RNFT2: variants seen among roughly 807,000 people sequenced by gnomAD.
The protein encoded by RNFT2 is E3 ubiquitin-protein ligase RNFT2.
RNFT2 carries 36 observed loss-of-function variants against 53.0 expected under a neutral mutation model. The observed-to-expected ratio is 0.68, with a 90% CI of 0.52 to 0.90. RNFT2 has a LOEUF of 0.90. RNFT2 is among the 40% of genes least tolerant of loss of function. The pLI, the probability that RNFT2 is intolerant of heterozygous loss-of-function variation, is 0.00. For synonymous variants in RNFT2, 260 were observed against 253.2 expected (o/e 1.03, Z -0.26); for missense variants, 514 against 585.6 (o/e 0.88, Z 1.26).
chr12:116,844,724 G>T (rs73407205), intron 10 of RNFT2, among the ~76,000 whole-genome samples: 1,627 of 152,292 alleles, frequency 0.011, 24 homozygotes, highest in African/African-American at 0.037. Flanking sequence ...GAGCCTCAGT[G>T]AATGTGTTGA....
intron 4 of RNFT2, among the ~76,000 whole-genome samples, chr12:116,750,838 AT>A (rs1297078057): frequency 0.028 from 385 of 13,920 alleles, 23 homozygotes; most frequent in African/African-American, 0.12. Flanking sequence ...TAATATATAT[AT>A]TATATATATA....
intron 7 of RNFT2, among the ~76,000 whole-genome samples, chr12:116,829,477 C>T (rs917327135): frequency 2.0e-5 from 3 of 152,048 alleles, no homozygotes; most frequent in Non-Finnish European, 2.9e-5. Context: ...CTGGAGGTGG[C>T]GAACTAGTCA....
intron 7 of RNFT2, among the ~76,000 whole-genome samples, chr12:116,815,216 C>A (rs1378046440): frequency 3.3e-5 from 5 of 152,226 alleles, no homozygotes; most frequent in Admixed American, 6.5e-5. Context: ...TGGAAGCCAG[C>A]CCACCAGAGA....
At chr12:116,836,334 G>A (rs1876969483) in intron 10 of RNFT2, 52 bp downstream of exon 10, 2 of 1,442,232 alleles carry the variant, frequency 1.4e-6, no homozygotes, top group East Asian at 2.5e-5. Flanking sequence ...GGGAGAGTAG[G>A]ACCCTTCCCC....
At chr12:116,784,360 G>T (rs532563379) in intron 7 of RNFT2, among the ~76,000 whole-genome samples, 1 of 152,116 alleles carries the variant, frequency 6.6e-6, no homozygotes, top group Non-Finnish European at 1.5e-5. Context: ...GATTGGCCCC[G>T]GTCATTTTGT....
In RNFT2 at chr12:116,841,880, TAAATATATATAA is replaced by T. The variant is rs1877325089; in HGVS notation, c.1200+5610_1200+5621del. Reference sequence around the variant, plus strand: ...AAAAATATATATATAAATATATATATAAATATATATAAAAATATATATATATAAATATATATA... The same window carrying T: ...AAAAATATATATATAAATATATATATAAATATATATATATAAATATATATA... On this transcript the variant is annotated intron_variant, in intron 10 of 10. Coordinates refer to ENST00000257575, the MANE Select transcript of RNFT2 (RefSeq NM_001382266.1). 4.5e-3 allele frequency among the ~76,000 whole-genome samples: 112 copies of T among 24,760 alleles called. 2 individuals are homozygous for T. Among genetic ancestry groups the T allele is most frequent in the Admixed American group, 7.7e-3 (21 of 2,714 alleles). 16.2% of individuals were successfully genotyped at this position (24,760 alleles called of 152,430 possible).
chr12:116,806,043 A>T (rs528350210), intron 7 of RNFT2, among the ~76,000 whole-genome samples: 1 of 152,304 alleles, frequency 6.6e-6, no homozygotes, highest in South Asian at 2.1e-4. Flanking sequence ...TTTAAACAAG[A>T]GGGCAGCTTT....
rs200741708 is a variant in RNFT2, at chr12:116,750,145, G to A, written c.388G>A (p.Val130Met). 1.3e-4 allele frequency: 210 copies of A among 1,585,480 alleles called. No homozygotes were observed. In the East Asian group the frequency reaches 3.0e-3, roughly 22 times the overall value. ...GHRGGSLLQH[V>M]GGDHRGHSEE... ...CCGCGGGGGCTCCCTGCTGCAGCAC[G>A]TGGGTGGGGACCACCGGGGGCACTC... Residue 130 changes from valine to methionine, a missense_variant, in exon 4 of 11, where the codon GTG becomes ATG. By Grantham distance (21) the Val-to-Met change is conservative. Around this residue, in one of 3 missense-constraint regions of RNFT2, gnomAD observed 237 missense variants for 235.1 expected, o/e 1.01. Transcript: ENST00000257575.
chr12:116,749,957 T>A lies in RNFT2; in HGVS notation c.200T>A (p.Leu67His). The A allele has an allele frequency of 6.4e-7, 1 of 1,566,068 alleles. No homozygotes were observed. Among genetic ancestry groups the A allele is most frequent in the East Asian group, 2.4e-5 (1 of 42,000 alleles). ...PALFSGLSGS[L>H]PTSSFPSSLV... ...CTCTTCTCGGGCTTATCAGGCAGCC[T>A]CCCCACCAGCTCGTTCCCCTCCAGC... The change falls in exon 4 of 11, where the codon CTC becomes CAC. Residue 67 changes from leucine (L) to histidine (H), a missense_variant. Around this residue, in one of 3 missense-constraint regions of RNFT2, gnomAD observed 237 missense variants for 235.1 expected, o/e 1.01. Coordinates refer to ENST00000257575, the MANE Select transcript of RNFT2 (RefSeq NM_001382266.1).
At chr12:116,787,278 A>G (rs1208287694) in intron 7 of RNFT2, among the ~76,000 whole-genome samples, 4 of 152,266 alleles carry the variant, frequency 2.6e-5, no homozygotes, top group East Asian at 3.8e-4. Flanking sequence ...CAGATCGGCC[A>G]GGTGCTAGAG....
chr12:116,743,233 AAAAAAAAAAAACCG>A (rs1871715438), intron 3 of RNFT2, among the ~76,000 whole-genome samples: 2 of 123,034 alleles, frequency 1.6e-5, no homozygotes, highest in African/African-American at 6.0e-5. Flanking sequence ...AAAAAAAAAA[AAAAAAAAAAAACCG>A]GTTAAAAAAC....
intron 7 of RNFT2, among the ~76,000 whole-genome samples, chr12:116,788,396 C>A (rs1445964993): frequency 6.6e-6 from 1 of 152,194 alleles, no homozygotes; most frequent in African/African-American, 2.4e-5. Flanking sequence ...CCCACCTGCA[C>A]CTACTGATTC....
intron 7 of RNFT2, among the ~76,000 whole-genome samples, chr12:116,817,362 C>G (rs1214591559): frequency 6.6e-6 from 1 of 152,124 alleles, no homozygotes; most frequent in Non-Finnish European, 1.5e-5. Flanking sequence ...GTCTCCCAGG[C>G]TAGTCTCAAA....
intron 4 of RNFT2, among the ~76,000 whole-genome samples, chr12:116,751,375 A>C (rs1206141618): frequency 1.3e-5 from 2 of 152,016 alleles, no homozygotes; most frequent in African/African-American, 4.8e-5. Flanking sequence ...CATACTCAAC[A>C]GTCAATAATT....
intron 7 of RNFT2, among the ~76,000 whole-genome samples, chr12:116,805,753 C>T (rs1234429715): frequency 6.6e-6 from 1 of 152,180 alleles, no homozygotes; most frequent in Middle Eastern, 3.2e-3. Context: ...GGATTACAGG[C>T]GTGAGCCACG....
chr12:116,841,882 A>AAAATATATATATATAAAT (rs1565876166), intron 10 of RNFT2, among the ~76,000 whole-genome samples: 10 of 23,474 alleles, frequency 4.3e-4, no homozygotes, highest in Non-Finnish European at 6.1e-4. Context: ...TATATATATA[A>AAAATATATATATATAAAT]ATATATATAA....
intron 6 of RNFT2, among the ~76,000 whole-genome samples, chr12:116,777,911 GA>G (rs1481022119): frequency 6.6e-6 from 1 of 152,140 alleles, no homozygotes; most frequent in African/African-American, 2.4e-5. Flanking sequence ...TTGGGCAGCT[GA>G]CCACCTCTCC....
chr12:116,812,671 A>G (rs1874314749), intron 7 of RNFT2, among the ~76,000 whole-genome samples: 1 of 151,846 alleles, frequency 6.6e-6, no homozygotes, highest in Non-Finnish European at 1.5e-5. Flanking sequence ...AGTAGCTGCG[A>G]TTACAGCATG....
At chr12:116,772,155 C>A (rs1873232411) in intron 6 of RNFT2, among the ~76,000 whole-genome samples, 1 of 152,136 alleles carries the variant, frequency 6.6e-6, no homozygotes, top group African/African-American at 2.4e-5. Flanking sequence ...GTAGTGGTGC[C>A]ATCATGGCTC....
Sources: gnomAD v4.1 joint callset for allele counts (sites outside exome capture counted in the v4.1 genomes callset) on GRCh38, gnomAD v4.1.1 for gene constraint, gnomAD v4.1.1 regional missense constraint, MANE v1.5 for transcripts, NCBI Gene and HGNC (gene_info 2026-07-23, HGNC 2026-07-21) for gene names.